Variants in SSH2 observed in about 807,000 individuals in gnomAD.
SSH2 encodes slingshot protein phosphatase 2.
In SSH2, 37 loss-of-function variants were observed where a neutral mutation model predicts 135.2. The ratio of observed to expected loss-of-function variants is 0.27; its 90% CI spans 0.21 to 0.36. The LOEUF is 0.36. Ranked by LOEUF, SSH2 falls within the 10% of genes least tolerant of loss-of-function variation. The pLI, the probability that SSH2 is intolerant of heterozygous loss-of-function variation, is 1.00. For missense variants in SSH2, 1,408 were observed against 1,765.3 expected, an observed-to-expected ratio of 0.80 and a Z score of 3.63; for synonymous variants, 628 against 646.2, an observed-to-expected ratio of 0.97 and a Z score of 0.43.
chr17:29,789,912 A>G (rs1245778379), intron 3 of SSH2, among the ~76,000 whole-genome samples: 1 of 152,104 alleles, frequency 6.6e-6, no homozygotes, highest in Admixed American at 6.6e-5. Context: ...TGCTTACCTC[A>G]CCATGGTATT....
intron 2 of SSH2, among the ~76,000 whole-genome samples, chr17:29,834,062 T>C (rs918944412): frequency 6.6e-6 from 1 of 151,764 alleles, no homozygotes; most frequent in East Asian, 1.9e-4. Flanking sequence ...AGGTTACCCA[T>C]GAAGGTTGCA....
intron 15 of SSH2, among the ~76,000 whole-genome samples, chr17:29,634,490 T>C (rs1251521839): frequency 6.6e-6 from 1 of 152,236 alleles, no homozygotes; most frequent in Non-Finnish European, 1.5e-5. Flanking sequence ...AGAGCTCCTA[T>C]GCCACAAAGA....
chr17:29,687,927 A>C (rs948621146), intron 5 of SSH2, among the ~76,000 whole-genome samples: 2 of 152,162 alleles, frequency 1.3e-5, no homozygotes, highest in Admixed American at 6.5e-5. Flanking sequence ...CATAAGTATT[A>C]TCTATAATGC....
At chr17:29,737,952 T>A (rs1216460324) in intron 3 of SSH2, among the ~76,000 whole-genome samples, 1 of 152,110 alleles carries the variant, frequency 6.6e-6, no homozygotes, top group Admixed American at 6.5e-5. Context: ...TATATTATAC[T>A]TTAAGTTCTA....
intron 3 of SSH2, among the ~76,000 whole-genome samples, chr17:29,763,756 G>C (rs932547780): frequency 6.6e-6 from 1 of 152,130 alleles, no homozygotes; most frequent in African/African-American, 2.4e-5. Flanking sequence ...TTATAAATAG[G>C]TTCCTATAGC....
intron 1 of SSH2, among the ~76,000 whole-genome samples, chr17:29,892,211 C>G (rs1331643240): frequency 1.3e-5 from 2 of 151,934 alleles, no homozygotes; most frequent in African/African-American, 4.8e-5. Context: ...TGGCTAATAG[C>G]AAACATTTTA....
At chr17:29,743,907 CTT>C (rs59540894) in intron 3 of SSH2, among the ~76,000 whole-genome samples, 106 of 99,860 alleles carry the variant, frequency 1.1e-3, no homozygotes, top group Middle Eastern at 7.4e-3. Flanking sequence ...TTCTTTTTTC[CTT>C]TTTTTTTTTT....
chr17:29,833,204 T>C (rs1433779216), intron 2 of SSH2, among the ~76,000 whole-genome samples: 1 of 152,200 alleles, frequency 6.6e-6, no homozygotes, highest in Non-Finnish European at 1.5e-5. Flanking sequence ...CCAACTATTA[T>C]TGTATTGGGG....
At chr17:29,701,662 C>T (rs35996293) in intron 4 of SSH2, among the ~76,000 whole-genome samples, 1,911 of 152,030 alleles carry the variant, frequency 0.013, 21 homozygotes, top group Non-Finnish European at 0.02. Context: ...CCTTCGCTTC[C>T]CAGGTTCAAG....
At chr17:29,912,527 G>A (rs948569002) in intron 1 of SSH2, among the ~76,000 whole-genome samples, 3 of 152,084 alleles carry the variant, frequency 2.0e-5, no homozygotes, top group Non-Finnish European at 4.4e-5. Flanking sequence ...AGGAGTTTGA[G>A]ACCACCCTGG....
At chr17:29,681,634 A>T (rs1330934227) in intron 6 of SSH2, among the ~76,000 whole-genome samples, 1 of 152,032 alleles carries the variant, frequency 6.6e-6, no homozygotes, top group Non-Finnish European at 1.5e-5. Flanking sequence ...ACACTTTAGA[A>T]ACCAAGATTA....
chr17:29,812,845 C>T (rs904166455), intron 2 of SSH2, among the ~76,000 whole-genome samples: 2 of 151,718 alleles, frequency 1.3e-5, no homozygotes, highest in African/African-American at 4.8e-5. Flanking sequence ...GCCGGGATCA[C>T]ACCACTGCAC....
At chr17:29,763,088 TAATC>T (rs1470741467) in intron 3 of SSH2, among the ~76,000 whole-genome samples, 10 of 152,228 alleles carry the variant, frequency 6.6e-5, no homozygotes, top group Non-Finnish European at 1.5e-4. Flanking sequence ...AGTAATGAAA[TAATC>T]AATCCAAATT....
intron 3 of SSH2, among the ~76,000 whole-genome samples, chr17:29,731,883 C>G (rs1295035828): frequency 1.3e-5 from 2 of 152,108 alleles, no homozygotes; most frequent in Non-Finnish European, 2.9e-5. Flanking sequence ...CTTGCTTCCA[C>G]TGGAAATTTT....
intron 3 of SSH2, among the ~76,000 whole-genome samples, chr17:29,725,469 T>G (rs532819259): frequency 6.6e-6 from 1 of 151,782 alleles, no homozygotes; most frequent in East Asian, 1.9e-4. Flanking sequence ...TGCAGCTACA[T>G]TTACAATAGC....
rs779976669 is a variant in SSH2, at chr17:29,667,121, G to A, written c.903+9C>T. 1.9e-6 allele frequency: 3 copies of A among 1,609,632 alleles called. No homozygotes were observed. The South Asian group carries it at 3.3e-5, about 18-fold the overall frequency. Reference sequence around the variant, plus strand: ...GCCTTGGAACAAACAAGGACTCAAGGTCTCTTACCTCTTTGGATGTAATAT... The same window carrying A: ...GCCTTGGAACAAACAAGGACTCAAGATCTCTTACCTCTTTGGATGTAATAT... On this transcript the variant is annotated intron_variant, in intron 10 of 15. Transcript: ENST00000540801.
At chr17:29,896,874 C>T (rs1288609762) in intron 1 of SSH2, among the ~76,000 whole-genome samples, 1 of 151,768 alleles carries the variant, frequency 6.6e-6, no homozygotes, top group East Asian at 1.9e-4. Flanking sequence ...CAGTTCTTCA[C>T]TGACATCTAT....
chr17:29,920,665 A>C (rs1401726429), intron 1 of SSH2, among the ~76,000 whole-genome samples: 3 of 152,198 alleles, frequency 2.0e-5, no homozygotes, highest in Admixed American at 6.5e-5. Flanking sequence ...ATGTAGTAAA[A>C]TTAATTTCAG....
chr17:29,827,936 C>T (rs1044683384), intron 2 of SSH2, among the ~76,000 whole-genome samples: 1 of 152,138 alleles, frequency 6.6e-6, no homozygotes, highest in Non-Finnish European at 1.5e-5. Flanking sequence ...CTCTGCTTAC[C>T]TTCCTGCCAT....
Sources: gnomAD v4.1 joint callset for allele counts (sites outside exome capture counted in the v4.1 genomes callset) on GRCh38, gnomAD v4.1.1 for gene constraint, MANE v1.5 for transcripts, NCBI Gene and HGNC (gene_info 2026-07-23, HGNC 2026-07-21) for gene names.